ARHGAP24: variants seen among roughly 807,000 people sequenced by gnomAD.
The protein encoded by ARHGAP24 is rho GTPase-activating protein 24.
ARHGAP24 carries 50 observed loss-of-function variants against 76.4 expected under a neutral mutation model. That is an observed-to-expected ratio of 0.65 (90% CI 0.52 to 0.83). The LOEUF is 0.83. Among genes scored for constraint, ARHGAP24 ranks in the 40% least tolerant of loss-of-function variants. ARHGAP24 has a pLI of 0.00. For synonymous variants in ARHGAP24, 345 were observed against 323.3 expected (o/e 1.07, Z -0.72); for missense variants, 930 against 914.2 (o/e 1.02, Z -0.22).
At chr4:85,625,697 TG>T (rs1720922733) in intron 2 of ARHGAP24, among the ~76,000 whole-genome samples, 1 of 152,244 alleles carries the variant, frequency 6.6e-6, no homozygotes, top group African/African-American at 2.4e-5. Context: ...TATTATTCTG[TG>T]GGAGTCTAAG....
At chr4:85,781,648 C>G (rs1005388987) in intron 3 of ARHGAP24, among the ~76,000 whole-genome samples, 19 of 152,038 alleles carry the variant, frequency 1.2e-4, no homozygotes, top group Non-Finnish European at 2.8e-4. Context: ...GTGTATATGA[C>G]AAACTTTTCT....
At position 85,692,318 on chromosome 4, in the gene ARHGAP24, A is replaced by G. The variant is rs551390519; in HGVS notation, c.181-29567A>G. On this transcript the variant is annotated intron_variant, in intron 2 of 9. Coordinates refer to ENST00000395184, the MANE Select transcript of ARHGAP24 (RefSeq NM_001025616.3). ...ATTACTATGTGCCTTGGGAATGGTC[A>G]TCTTATATAGTATCTAGCCTGGGTT... Among the ~76,000 whole-genome samples, 10 of 152,254 alleles carry G rather than the reference A, an allele frequency of 6.6e-5. No homozygotes were observed. The South Asian group carries it at 1.5e-3, about 22-fold the overall frequency.
chr4:85,756,918 G>T (rs1180882075), intron 3 of ARHGAP24, among the ~76,000 whole-genome samples: 2 of 152,158 alleles, frequency 1.3e-5, no homozygotes, highest in Non-Finnish European at 2.9e-5. Context: ...AATAGTCAAA[G>T]AATAAATTTA....
At chr4:85,848,854 G>A (rs1221982282) in intron 3 of ARHGAP24, among the ~76,000 whole-genome samples, 1 of 152,148 alleles carries the variant, frequency 6.6e-6, no homozygotes, top group Non-Finnish European at 1.5e-5. Context: ...CTGTAGCCTT[G>A]TAGTATAGTT....
intron 1 of ARHGAP24, among the ~76,000 whole-genome samples, chr4:85,544,580 T>C (rs1578022225): frequency 6.6e-6 from 1 of 152,284 alleles, no homozygotes; most frequent in East Asian, 1.9e-4. Context: ...CTTTAGCCTC[T>C]TGGATCCTAT....
At chr4:85,732,845 C>A (rs1725457792) in intron 3 of ARHGAP24, among the ~76,000 whole-genome samples, 1 of 151,036 alleles carries the variant, frequency 6.6e-6, no homozygotes, top group South Asian at 2.1e-4. Flanking sequence ...AGGCATGTGC[C>A]ACCAAGCCTG....
In ARHGAP24 at chr4:85,533,903, C is replaced by G. The variant is rs148381866; in HGVS notation, c.-20-36619C>G. Among the ~76,000 whole-genome samples, 1,449 of 152,272 alleles carry G rather than the reference C, an allele frequency of 9.5e-3. 12 individuals are homozygous for G. Among genetic ancestry groups the G allele is most frequent in the East Asian group, 0.018 (95 of 5,184 alleles). On this transcript the variant is annotated intron_variant, in intron 1 of 9. Coordinates refer to ENST00000395184, the MANE Select transcript of ARHGAP24 (RefSeq NM_001025616.3). ...AATAACTAGCCTATGTTAAGTCACT[C>G]TCTTCGAAAAGATGACTTATAGGAA...
chr4:85,498,719 C>T (rs1723679885), intron 1 of ARHGAP24, among the ~76,000 whole-genome samples: 1 of 152,194 alleles, frequency 6.6e-6, no homozygotes, highest in Non-Finnish European at 1.5e-5. Context: ...TAGATTCTAA[C>T]AGATTGCTCG....
chr4:85,886,438 A>G (rs1287819319), intron 3 of ARHGAP24, among the ~76,000 whole-genome samples: 1 of 152,110 alleles, frequency 6.6e-6, no homozygotes, highest in Non-Finnish European at 1.5e-5. Flanking sequence ...ATAGATGAAG[A>G]ATTAGTGCAC....
rs566989078 is a variant in ARHGAP24, at chr4:85,616,668, C to T, written c.180+45947C>T. Among the ~76,000 whole-genome samples the T allele has an allele frequency of 6.6e-5, 10 of 152,230 alleles. No homozygotes were observed. In the South Asian group the frequency reaches 1.9e-3, roughly 28 times the overall value. On this transcript the variant is annotated intron_variant, in intron 2 of 9. Transcript: ENST00000395184. Reference sequence around the variant, plus strand: ...ATTAAGATGGAGTCTCATTCTGTCGCGCAGGCTGGAGTGCAGTGGCACGAT... The same window carrying T: ...ATTAAGATGGAGTCTCATTCTGTCGTGCAGGCTGGAGTGCAGTGGCACGAT...
intron 8 of ARHGAP24, chr4:85,991,909 TG>T (rs1440896295): frequency 5.3e-6 from 2 of 375,600 alleles, no homozygotes; most frequent in Non-Finnish European, 9.4e-6. Context: ...CATATATTTT[TG>T]CATTTACATA....
intron 3 of ARHGAP24, among the ~76,000 whole-genome samples, chr4:85,881,246 C>A (rs148701434): frequency 6.6e-6 from 1 of 152,150 alleles, no homozygotes; most frequent in East Asian, 1.9e-4. Flanking sequence ...CAAGACAGCA[C>A]GATTTCATCA....
chr4:85,872,104 G>T (rs1466627956), intron 3 of ARHGAP24, among the ~76,000 whole-genome samples: 1 of 151,402 alleles, frequency 6.6e-6, no homozygotes, highest in Non-Finnish European at 1.5e-5. Flanking sequence ...TTTCAAACAG[G>T]CTGAATGCAT....
chr4:85,710,281 T>C (rs1417097746), intron 2 of ARHGAP24, among the ~76,000 whole-genome samples: 7 of 152,084 alleles, frequency 4.6e-5, no homozygotes, highest in Non-Finnish European at 1.5e-5. Flanking sequence ...TAAATGATAG[T>C]GAGATAACTG....
At chr4:85,834,284 A>G (rs1730150454) in intron 3 of ARHGAP24, among the ~76,000 whole-genome samples, 1 of 152,190 alleles carries the variant, frequency 6.6e-6, no homozygotes. Flanking sequence ...ATAGGACCTA[A>G]CACAATTTCT....
At chr4:85,874,081 C>A (rs1211442248) in intron 3 of ARHGAP24, among the ~76,000 whole-genome samples, 1 of 152,024 alleles carries the variant, frequency 6.6e-6, no homozygotes, top group South Asian at 2.1e-4. Flanking sequence ...TAGGTTTTCC[C>A]ATAGAATAAA....
chr4:85,922,325 G>T (rs1050004271), intron 3 of ARHGAP24, among the ~76,000 whole-genome samples: 1 of 152,146 alleles, frequency 6.6e-6, no homozygotes, highest in Non-Finnish European at 1.5e-5. Flanking sequence ...AAACTTTAAT[G>T]CCTGTAACTT....
At chr4:85,520,890 G>A (rs1233721841) in intron 1 of ARHGAP24, among the ~76,000 whole-genome samples, 1 of 152,202 alleles carries the variant, frequency 6.6e-6, no homozygotes, top group East Asian at 1.9e-4. Flanking sequence ...CACTGAGGTA[G>A]ATGAGAATCA....
chr4:85,676,109 T>C (rs978097116), intron 2 of ARHGAP24, among the ~76,000 whole-genome samples: 1 of 152,228 alleles, frequency 6.6e-6, no homozygotes, highest in African/African-American at 2.4e-5. Flanking sequence ...ATTTGATTGA[T>C]ATGGCAGTTA....
Sources: allele counts gnomAD v4.1 joint callset (sites outside exome capture counted in the v4.1 genomes callset), GRCh38; gene constraint gnomAD v4.1.1; transcripts MANE v1.5; gene names NCBI Gene and HGNC (gene_info 2026-07-23, HGNC 2026-07-21).